The following CUX2 variants were observed in gnomAD, a reference collection of about 807,000 sequenced individuals.
CUX2 encodes the protein homeobox protein cut-like 2.
A neutral mutation model predicts 144.8 loss-of-function variants in CUX2; 40 were observed. The ratio of observed to expected loss-of-function variants is 0.28; its 90% CI spans 0.21 to 0.36. The LOEUF (loss-of-function observed/expected upper bound fraction) is 0.36. CUX2 is among the 10% of genes least tolerant of loss of function. CUX2 has a pLI of 1.00. For synonymous variants in CUX2, 827 were observed against 875.6 expected, an observed-to-expected ratio of 0.94 and a Z score of 0.98; for missense variants, 1,615 against 1,994.0, an observed-to-expected ratio of 0.81 and a Z score of 3.62.
At chr12:111,198,474 C>CAAAAAAAAA (rs1462714448) in intron 1 of CUX2, among the ~76,000 whole-genome samples, 1 of 122,686 alleles carries the variant, frequency 8.2e-6, no homozygotes. Flanking sequence ...GACCCTGTCT[C>CAAAAAAAAA]AAAAAAAAAA....
chr12:111,079,928 T>C (rs1212887329), intron 1 of CUX2, among the ~76,000 whole-genome samples: 1 of 152,192 alleles, frequency 6.6e-6, no homozygotes, highest in African/African-American at 2.4e-5. Flanking sequence ...CACCAAGAGA[T>C]GGCAGTGGAA....
intron 1 of CUX2, among the ~76,000 whole-genome samples, chr12:111,202,730 G>A (rs1880672500): frequency 6.6e-6 from 1 of 152,142 alleles, no homozygotes; most frequent in Non-Finnish European, 1.5e-5. Flanking sequence ...ATGGAGAAGT[G>A]ACTACATAAA....
At chr12:111,288,833 C>T (rs966551291) in intron 4 of CUX2, among the ~76,000 whole-genome samples, 3 of 152,060 alleles carry the variant, frequency 2.0e-5, no homozygotes, top group Non-Finnish European at 2.9e-5. Flanking sequence ...TGTGATGGCG[C>T]GCATCTGTAA....
At chr12:111,254,727 A>G (rs60829203) in intron 3 of CUX2, among the ~76,000 whole-genome samples, 10,098 of 152,296 alleles carry the variant, frequency 0.066, 1,145 homozygotes, top group African/African-American at 0.23. Flanking sequence ...ACCCCTAAGG[A>G]TTCAAAATGA....
chr12:111,162,995 G>A (rs1448903971), intron 1 of CUX2, among the ~76,000 whole-genome samples: 5 of 150,332 alleles, frequency 3.3e-5, no homozygotes, highest in African/African-American at 4.9e-5. Flanking sequence ...GCAGTGAGCC[G>A]AGATCCTACC....
At chr12:111,138,783 A>AG (rs1876101350) in intron 1 of CUX2, among the ~76,000 whole-genome samples, 4 of 152,084 alleles carry the variant, frequency 2.6e-5, no homozygotes, top group Admixed American at 2.6e-4. Flanking sequence ...GGCAGCCCAC[A>AG]GCCCCTGAGT....
chr12:111,320,297 C>T lies in CUX2; in HGVS notation c.2288C>T (p.Ser763Phe), dbSNP rs776412663. 1.3e-6 allele frequency: 2 copies of T among 1,597,272 alleles called. No homozygotes were observed. The highest frequency in any genetic ancestry group is 1.1e-5 in the South Asian group (1 of 90,990). ...GCGCAGGCGCCGCTCCCGGTCCTGTCCCCCGCCGCCTTCGTGCAGAGCATC... is the reference window on the plus strand; with the variant it reads ...GCGCAGGCGCCGCTCCCGGTCCTGTTCCCCGCCGCCTTCGTGCAGAGCATC... ...GPAQAPLPVLSPAAFVQSIIR... is the reference protein window; with the variant it reads ...GPAQAPLPVLFPAAFVQSIIR... The change falls in exon 17 of 22, where the codon TCC becomes TTC. Residue 763 changes from serine (S) to phenylalanine (F), a missense_variant. Ser to Phe is a radical substitution (Grantham distance 155). This residue lies in a region of CUX2 where 390 missense variants were observed against 387.1 expected (regional missense o/e 1.01). Coordinates refer to ENST00000261726, the MANE Select transcript of CUX2 (RefSeq NM_015267.4). The surrounding 1 kb of genome is among the most constrained non-coding windows in gnomAD (Gnocchi z 8.1).
chr12:111,334,753 G>T (rs896362182), intron 19 of CUX2, 43 bp downstream of exon 19: 3 of 1,545,808 alleles, frequency 1.9e-6, no homozygotes, highest in Non-Finnish European at 2.6e-6. Flanking sequence ...TCCCACCTGG[G>T]TTGGCTCCTA....
chr12:111,079,824 ACTGGGTGGG>A (rs1871768967), intron 1 of CUX2, among the ~76,000 whole-genome samples: 1 of 151,960 alleles, frequency 6.6e-6, no homozygotes, highest in East Asian at 1.9e-4. Context: ...TGGGTTTGGG[ACTGGGTGGG>A]AGGACGCCTC....
intron 1 of CUX2, among the ~76,000 whole-genome samples, chr12:111,159,732 A>G (rs1001599531): frequency 6.6e-6 from 1 of 152,190 alleles, no homozygotes; most frequent in Non-Finnish European, 1.5e-5. Context: ...CTATTTAAAA[A>G]CAGAAAAGGA....
chr12:111,330,720 T>TACATATAC (rs1825839470), intron 18 of CUX2, among the ~76,000 whole-genome samples: 1 of 49,872 alleles, frequency 2.0e-5, no homozygotes, highest in African/African-American at 1.1e-4. Flanking sequence ...TATATATATA[T>TACATATAC]ATATATATAT....
Position 111,127,502 on chromosome 12 carries a change from C to T in CUX2, c.64-86698C>T, listed in dbSNP as rs114678085. ...CAGCCAGCACAGTAACTCCCTTCTTCGCCTGTTGTTCAGAGGCATGAGAAT... is the reference window on the plus strand; with the variant it reads ...CAGCCAGCACAGTAACTCCCTTCTTTGCCTGTTGTTCAGAGGCATGAGAAT... On this transcript the variant is annotated intron_variant, in intron 1 of 21. Coordinates refer to ENST00000261726, the MANE Select transcript of CUX2 (RefSeq NM_015267.4). 6.0e-3 allele frequency among the ~76,000 whole-genome samples: 914 copies of T among 152,318 alleles called. 8 individuals are homozygous for T. The highest frequency in any genetic ancestry group is 0.021 in the African/African-American group (861 of 41,570).
At chr12:111,047,149 A>G (rs1210456863) in intron 1 of CUX2, among the ~76,000 whole-genome samples, 2 of 152,154 alleles carry the variant, frequency 1.3e-5, no homozygotes, top group African/African-American at 2.4e-5. Flanking sequence ...TGGGTCCCGG[A>G]GCCGCGTGGC....
chr12:111,330,716 T>TATACACATATAC (rs1555217593), intron 18 of CUX2, among the ~76,000 whole-genome samples: 1 of 36,948 alleles, frequency 2.7e-5, no homozygotes, highest in African/African-American at 1.4e-4. Context: ...TATATATATA[T>TATACACATATAC]ATATATATAT....
At chr12:111,071,972 A>G (rs1170114236) in intron 1 of CUX2, among the ~76,000 whole-genome samples, 5 of 152,076 alleles carry the variant, frequency 3.3e-5, no homozygotes, top group Admixed American at 3.3e-4. Flanking sequence ...CTATCGATCT[A>G]TTTGTCTATT....
intron 1 of CUX2, among the ~76,000 whole-genome samples, chr12:111,144,021 G>A (rs989836882): frequency 1.3e-5 from 2 of 152,322 alleles, no homozygotes; most frequent in South Asian, 4.1e-4. Flanking sequence ...GACCAGCCAG[G>A]CCTTCTCCAA....
chr12:111,042,813 A>G (rs1470166483), intron 1 of CUX2, among the ~76,000 whole-genome samples: 5 of 144,624 alleles, frequency 3.5e-5, no homozygotes, highest in Non-Finnish European at 7.6e-5. Context: ...TTTTTTTTTT[A>G]ACGTAGAAGT....
chr12:111,300,670 C>T (rs916208686), intron 9 of CUX2, among the ~76,000 whole-genome samples: 2 of 152,176 alleles, frequency 1.3e-5, no homozygotes, highest in African/African-American at 4.8e-5. Context: ...AGATTTTCAA[C>T]TTTGCCATTA....
chr12:111,299,741 T>G (rs1869525150), intron 9 of CUX2, among the ~76,000 whole-genome samples: 1 of 152,184 alleles, frequency 6.6e-6, no homozygotes, highest in South Asian at 2.1e-4. Context: ...AGTTCAGAAC[T>G]CAAGAAGCTA....
Sources: gnomAD v4.1 joint callset for allele counts (sites outside exome capture counted in the v4.1 genomes callset) on GRCh38, gnomAD v4.1.1 for gene constraint, gnomAD v4.1.1 regional missense constraint, Gnocchi (gnomAD v3.1) non-coding constraint, MANE v1.5 for transcripts, NCBI Gene and HGNC (gene_info 2026-07-23, HGNC 2026-07-21) for gene names.